ADGRE3: variants seen among roughly 807,000 people sequenced by gnomAD.
ADGRE3 encodes adhesion G protein-coupled receptor E3.
A neutral mutation model predicts 80.1 loss-of-function variants in ADGRE3; 88 were observed. The observed-to-expected ratio is 1.10, with a 90% confidence interval of 0.93 to 1.31. The LOEUF is 1.31. Ranked by LOEUF, ADGRE3 falls within the 40% of genes most tolerant of loss-of-function variation. The probability of loss-of-function intolerance (pLI) is 0.00; values close to 1 mark genes in which losing one functional copy is unlikely to be tolerated. For missense variants in ADGRE3, 715 were observed against 776.5 expected, an observed-to-expected ratio of 0.92 and a Z score of 0.94; for synonymous variants, 281 against 294.8, an observed-to-expected ratio of 0.95 and a Z score of 0.48.
chr19:14,620,853 T>C (rs1193563375), intron 15 of ADGRE3, among the ~76,000 whole-genome samples: 2 of 151,634 alleles, frequency 1.3e-5, no homozygotes, highest in African/African-American at 2.4e-5. Context: ...ACTCATATTA[T>C]TCAATTTCCA....
At chr19:14,601,505 A>G in the ADGRE3 span, among the ~76,000 whole-genome samples, 7 of 152,204 alleles carry the variant, frequency 4.6e-5, no homozygotes, top group African/African-American at 7.2e-5. Flanking sequence ...GTTCCAGTAC[A>G]TGTAAGCAAC....
intron 7 of ADGRE3, 53 bp downstream of exon 7, chr19:14,651,032 A>C: frequency 6.2e-7 from 1 of 1,605,800 alleles, no homozygotes; most frequent in Non-Finnish European, 8.5e-7. Context: ...CCCATGACTC[A>C]CACAATGACA....
the ADGRE3 span, among the ~76,000 whole-genome samples, chr19:14,603,822 G>A: frequency 6.6e-6 from 1 of 152,146 alleles, no homozygotes; most frequent in East Asian, 1.9e-4. Flanking sequence ...CACCTACTAT[G>A]TGCTGGAGAC....
downstream of ADGRE3, among the ~76,000 whole-genome samples, chr19:14,615,455 T>TG (rs1199934379): frequency 6.6e-6 from 1 of 151,924 alleles, no homozygotes; most frequent in East Asian, 1.9e-4. Context: ...TAAAAAAAAT[T>TG]TTTTTTAGAG....
the ADGRE3 span, chr19:14,606,851 G>C: frequency 2.8e-6 from 1 of 359,812 alleles, no homozygotes; most frequent in Non-Finnish European, 5.0e-6. Flanking sequence ...CATTGATCCT[G>C]TTCTGCATAC....
chr19:14,630,316 T>C, intron 13 of ADGRE3, 109 bp from the exon 14 acceptor site: 1 of 886,084 alleles, frequency 1.1e-6, no homozygotes, highest in East Asian at 2.9e-5. Flanking sequence ...CTACCTGAGT[T>C]TAAATGGAAG....
chr19:14,628,721 T>C, intron 14 of ADGRE3: 1 of 387,838 alleles, frequency 2.6e-6, no homozygotes. Flanking sequence ...GGGATGGATC[T>C]ATGAGTTTGC....
intron 14 of ADGRE3, among the ~76,000 whole-genome samples, chr19:14,629,529 G>A (rs577724951): frequency 6.6e-6 from 1 of 152,092 alleles, no homozygotes; most frequent in Non-Finnish European, 1.5e-5. Context: ...AGTAGGGTCT[G>A]CCTCTTTGTG....
At chr19:14,617,341 C>CCTCCCTCCCTTCCTTTCTTT, downstream of ADGRE3, among the ~76,000 whole-genome samples, 1 of 57,264 alleles carries the variant, frequency 1.7e-5, no homozygotes, top group African/African-American at 5.9e-5. Flanking sequence ...TCCCTCCCTC[C>CCTCCCTCCCTTCCTTTCTTT]CTTTCTTTCT....
chr19:14,655,045 C>T lies in ADGRE3; in HGVS notation c.514G>A (p.Val172Ile). ...GGATCTTTCAAGGCAGTTTCTAGAA[C>T]TTTCGATTCCACATCCCGGAGAATA... ...TTILRDVESKVLETALKDPEQ... is the reference protein window; with the variant it reads ...TTILRDVESKILETALKDPEQ... Residue 172 changes from valine (V) to isoleucine (I), a missense_variant, in exon 6 of 16, where the codon GTT (valine) becomes ATT (isoleucine). Val to Ile is a conservative substitution (Grantham distance 29, BLOSUM62 3). Coordinates refer to ENST00000253673, the MANE Select transcript of ADGRE3 (RefSeq NM_032571.5). The T allele has an allele frequency of 6.2e-7, 1 of 1,614,068 alleles. No individual in the cohort carries two copies. The highest frequency in any genetic ancestry group is 8.5e-7 in the Non-Finnish European group (1 of 1,179,988).
intron 7 of ADGRE3, among the ~76,000 whole-genome samples, chr19:14,650,341 T>C (rs375677765): frequency 7.3e-4 from 109 of 149,224 alleles, no homozygotes; most frequent in African/African-American, 2.6e-3. Context: ...TCTCTTTCCC[T>C]ATCTTTTTCC....
intron 11 of ADGRE3, among the ~76,000 whole-genome samples, chr19:14,633,612 G>T (rs1815835675): frequency 6.6e-6 from 1 of 151,650 alleles, no homozygotes; most frequent in South Asian, 2.1e-4. Flanking sequence ...GGCTGAGGCA[G>T]GAGAATGGCG....
chr19:14,624,932 A>AT (rs1017311534), intron 15 of ADGRE3, among the ~76,000 whole-genome samples: 4 of 151,468 alleles, frequency 2.6e-5, no homozygotes, highest in African/African-American at 9.7e-5. Context: ...GGGACGTTGG[A>AT]GGGGGGAGAG....
chr19:14,653,811 T>C (rs1398184712), intron 6 of ADGRE3, among the ~76,000 whole-genome samples: 2 of 152,062 alleles, frequency 1.3e-5, no homozygotes, highest in Non-Finnish European at 2.9e-5. Flanking sequence ...ATCAAACAGT[T>C]AGGACGTGGC....
chr19:14,657,738 T>C (rs1417735191), intron 5 of ADGRE3, among the ~76,000 whole-genome samples: 1 of 53,062 alleles, frequency 1.9e-5, no homozygotes, highest in Non-Finnish European at 3.2e-5. Context: ...TACATATATA[T>C]ATATATATTT....
chr19:14,651,010 T>A, intron 7 of ADGRE3, 75 bp downstream of exon 7: 1 of 1,547,106 alleles, frequency 6.5e-7, no homozygotes, highest in Admixed American at 1.7e-5. Flanking sequence ...GAGAGCCCAG[T>A]GGGCTTGTTT....
In ADGRE3 at chr19:14,647,249, C is replaced by T. The variant is rs894455847; in HGVS notation, c.814G>A (p.Ala272Thr). The T allele has an allele frequency of 4.3e-6, 7 of 1,613,830 alleles. No individual in the cohort carries two copies. The Admixed American group carries it at 8.3e-5, about 19-fold the overall frequency. ...ACGTTCCTTTTGGGTCCAATAGCAGCACTCACAACCTGAGAGTTCAGATAC... is the reference window on the plus strand; with the variant it reads ...ACGTTCCTTTTGGGTCCAATAGCAGTACTCACAACCTGAGAGTTCAGATAC... ...QVYLNSQVVS[A>T]AIGPKRNVSL... is the part of the protein sequence containing the mutation. The change falls in exon 8 of 16, where the codon GCT becomes ACT. Residue 272 changes from alanine to threonine, a missense_variant. Ala to Thr is a moderately conservative substitution (Grantham distance 58, BLOSUM62 0). Coordinates refer to ENST00000253673, the MANE Select transcript of ADGRE3 (RefSeq NM_032571.5).
chr19:14,623,668 C>T (rs1033806277), intron 15 of ADGRE3, among the ~76,000 whole-genome samples: 1 of 152,150 alleles, frequency 6.6e-6, no homozygotes, highest in Non-Finnish European at 1.5e-5. Context: ...CATGGCGTAC[C>T]GTCACTCTGT....
chr19:14,652,791 A>G (rs1309093482), intron 6 of ADGRE3, among the ~76,000 whole-genome samples: 154 of 63,506 alleles, frequency 2.4e-3, no homozygotes, highest in African/African-American at 9.6e-3. Context: ...AAAAAAAAAG[A>G]AAAAAAAAAA....
Sources: allele counts gnomAD v4.1 joint callset (sites outside exome capture counted in the v4.1 genomes callset), GRCh38; gene constraint gnomAD v4.1.1; transcripts MANE v1.5; gene names NCBI Gene and HGNC (gene_info 2026-07-23, HGNC 2026-07-21).